The following CHRM3 variants were observed in gnomAD, a reference collection of about 807,000 sequenced individuals.
CHRM3 encodes the protein cholinergic receptor muscarinic 3, also known as muscarinic acetylcholine receptor M3.
A neutral mutation model predicts 41.8 loss-of-function variants in CHRM3; 11 were observed. That is an observed-to-expected ratio of 0.26 (90% CI 0.17 to 0.44). The LOEUF (loss-of-function observed/expected upper bound fraction) is 0.44. Among genes scored for constraint, CHRM3 ranks in the 20% least tolerant of loss-of-function variants. The pLI is 1.00. For synonymous variants in CHRM3, 297 were observed against 301.4 expected (o/e 0.99, Z 0.15); for missense variants, 571 against 745.4 (o/e 0.77, Z 2.72).
At chr1:239,713,028 G>A (rs116228574) in intron 5 of CHRM3, among the ~76,000 whole-genome samples, 203 of 152,040 alleles carry the variant, frequency 1.3e-3, no homozygotes, top group African/African-American at 4.7e-3. Context: ...GCCTAAAAAG[G>A]AAGTCCACAC....
intron 6 of CHRM3, among the ~76,000 whole-genome samples, chr1:239,892,297 T>A (rs961033848): frequency 6.6e-6 from 1 of 152,228 alleles, no homozygotes; most frequent in Non-Finnish European, 1.5e-5. Flanking sequence ...CATTTTATTA[T>A]TATTTTATTT....
intron 2 of CHRM3, among the ~76,000 whole-genome samples, chr1:239,506,378 G>A (rs1668572257): frequency 6.6e-6 from 1 of 152,272 alleles, no homozygotes; most frequent in Middle Eastern, 3.4e-3. Context: ...CTCCAGCCAT[G>A]GCTAAAAGAG....
At chr1:239,741,267 C>T (rs1448261181) in intron 5 of CHRM3, among the ~76,000 whole-genome samples, 1 of 152,116 alleles carries the variant, frequency 6.6e-6, no homozygotes, top group Non-Finnish European at 1.5e-5. Context: ...ACAAAAAAAG[C>T]ATAATCTAAT....
chr1:239,448,800 T>G (rs1455557810), intron 1 of CHRM3, among the ~76,000 whole-genome samples: 1 of 152,192 alleles, frequency 6.6e-6, no homozygotes, highest in Non-Finnish European at 1.5e-5. Context: ...TGTTTTGTTT[T>G]GTTTTCAATC....
chr1:239,805,120 C>T (rs1401076775), intron 5 of CHRM3, among the ~76,000 whole-genome samples: 1 of 152,144 alleles, frequency 6.6e-6, no homozygotes, highest in African/African-American at 2.4e-5. Context: ...TCATGACACA[C>T]TGGGATACCT....
intron 4 of CHRM3, among the ~76,000 whole-genome samples, chr1:239,660,898 A>T (rs1673137693): frequency 6.6e-6 from 1 of 152,142 alleles, no homozygotes; most frequent in Non-Finnish European, 1.5e-5. Flanking sequence ...ATAATAATAG[A>T]TTAATATTTG....
At chr1:239,579,751 A>G (rs1297267807) in intron 3 of CHRM3, among the ~76,000 whole-genome samples, 1 of 152,222 alleles carries the variant, frequency 6.6e-6, no homozygotes, top group African/African-American at 2.4e-5. Context: ...TGACACTTAC[A>G]TAGTACTCAC....
At chr1:239,545,082 C>T (rs1356864868) in intron 2 of CHRM3, among the ~76,000 whole-genome samples, 1 of 152,136 alleles carries the variant, frequency 6.6e-6, no homozygotes. Context: ...ATAAAAAATT[C>T]ACATCACGGG....
intron 1 of CHRM3, among the ~76,000 whole-genome samples, chr1:239,483,887 C>A (rs1315106045): frequency 6.6e-6 from 1 of 151,750 alleles, no homozygotes; most frequent in East Asian, 1.9e-4. Flanking sequence ...ATATTGTTGT[C>A]TCCTTCTAGC....
At chr1:239,776,679 A>G (rs2148769711) in intron 5 of CHRM3, among the ~76,000 whole-genome samples, 1 of 152,340 alleles carries the variant, frequency 6.6e-6, no homozygotes, top group African/African-American at 2.4e-5. Context: ...GTATTAGTCC[A>G]TTCTCATGCT....
intron 1 of CHRM3, among the ~76,000 whole-genome samples, chr1:239,410,420 G>A (rs34418010): frequency 0.023 from 3,527 of 152,188 alleles, 65 homozygotes; most frequent in Middle Eastern, 0.037. Flanking sequence ...GCCGCCTAGA[G>A]AGTCAGAAAC....
intron 5 of CHRM3, among the ~76,000 whole-genome samples, chr1:239,725,233 C>T (rs12066872): frequency 0.041 from 6,220 of 151,836 alleles, 212 homozygotes; most frequent in African/African-American, 0.08. Flanking sequence ...TGATTATGTC[C>T]TTTTTCTACC....
At chr1:239,497,581 G>A (rs1667966823) in intron 2 of CHRM3, among the ~76,000 whole-genome samples, 1 of 152,198 alleles carries the variant, frequency 6.6e-6, no homozygotes. Flanking sequence ...AATAACGAAA[G>A]GTTGAGAGAT....
At chr1:239,716,828 G>A (rs16838802) in intron 5 of CHRM3, among the ~76,000 whole-genome samples, 325 of 152,176 alleles carry the variant, frequency 2.1e-3, no homozygotes, top group African/African-American at 7.5e-3. Context: ...CTGACAAAAT[G>A]AGAATGTACA....
At chr1:239,735,631 G>C (rs1443963129) in intron 5 of CHRM3, among the ~76,000 whole-genome samples, 1 of 152,060 alleles carries the variant, frequency 6.6e-6, no homozygotes, top group Non-Finnish European at 1.5e-5. Context: ...GGTATAAGTT[G>C]CTGCTCCATT....
chr1:239,627,369 A>G (rs1669088199), intron 3 of CHRM3, among the ~76,000 whole-genome samples: 1 of 121,386 alleles, frequency 8.2e-6, no homozygotes, highest in Non-Finnish European at 1.7e-5. Context: ...ATCTTCCTCC[A>G]TCCTTTTATT....
intron 3 of CHRM3, among the ~76,000 whole-genome samples, chr1:239,555,560 G>A (rs1163072202): frequency 1.3e-5 from 2 of 152,268 alleles, no homozygotes; most frequent in Non-Finnish European, 2.9e-5. Context: ...TCAGTTTACC[G>A]TTGCCACGGC....
At chr1:239,810,519 G>A (rs1015763408) in intron 5 of CHRM3, among the ~76,000 whole-genome samples, 1 of 152,290 alleles carries the variant, frequency 6.6e-6, no homozygotes, top group Admixed American at 6.5e-5. Flanking sequence ...ACTGAGAAGG[G>A]GGAGGATTTC....
intron 6 of CHRM3, among the ~76,000 whole-genome samples, chr1:239,895,957 C>G (rs1040499023): frequency 1.3e-5 from 2 of 152,146 alleles, no homozygotes; most frequent in Non-Finnish European, 2.9e-5. Flanking sequence ...CCCATGTACC[C>G]CTGAACCTCG....
Sources: allele counts gnomAD v4.1 joint callset (sites outside exome capture counted in the v4.1 genomes callset), GRCh38; gene constraint gnomAD v4.1.1; transcripts MANE v1.5; gene names NCBI Gene and HGNC (gene_info 2026-07-23, HGNC 2026-07-21).